Variants in PPP2R2A observed in about 807,000 individuals in gnomAD.
The protein encoded by PPP2R2A is protein phosphatase 2 regulatory subunit Balpha.
PPP2R2A carries 9 observed loss-of-function variants against 53.2 expected under a neutral mutation model. The ratio of observed to expected loss-of-function variants is 0.17; its 90% CI spans 0.10 to 0.30. The LOEUF is 0.30. PPP2R2A is among the 10% of genes least tolerant of loss of function. The pLI is 1.00. For synonymous variants in PPP2R2A, 169 were observed against 174.2 expected (o/e 0.97, Z 0.23); for missense variants, 235 against 534.6 (o/e 0.44, Z 5.53).
At chr8:26,365,853 T>C (rs1805345953) in intron 8 of PPP2R2A, 2 of 153,916 alleles carry the variant, frequency 1.3e-5, no homozygotes, top group Admixed American at 1.3e-4. Flanking sequence ...TACATGTGCA[T>C]TTATAATGGA....
At chr8:26,364,402 A>G (rs1289101740) in intron 8 of PPP2R2A, among the ~76,000 whole-genome samples, 3 of 152,190 alleles carry the variant, frequency 2.0e-5, no homozygotes, top group Non-Finnish European at 4.4e-5. Flanking sequence ...GGAGTTGCCT[A>G]TCCGTTGTTG....
rs1438108403 is a variant in PPP2R2A at position 26,370,248 on chromosome 8, G to A, written c.1179G>A (p.Lys393=). The change falls in exon 10 of 10, where the codon AAG becomes AAA. Residue 393 remains lysine, a synonymous_variant. Transcript: ENST00000380737. This position sits in a 1 kb window ranked among gnomAD's most constrained non-coding sequence, Gnocchi z 6.1. ...RENNKPRTVL[K]PRKVCASGKR... ...ACAATAAGCCTCGCACAGTTCTGAA[G>A]CCTCGCAAAGTCTGTGCAAGTGGCA... is the stretch of plus-strand genomic sequence containing the variant. 1 of 1,614,030 alleles carries A rather than the reference G, an allele frequency of 6.2e-7. No homozygotes were observed. The highest frequency in any genetic ancestry group is 1.3e-5 in the African/African-American group (1 of 74,930).
Position 26,372,064 on chromosome 8 carries a change from G to A in PPP2R2A, c.*1651G>A, listed in dbSNP as rs778123294. ...CTTCAATAATGAAAAAGAATTCAAC[G>A]AGCCGACCGTGATTCCCTCTACTAC... On this transcript the variant is annotated 3_prime_UTR_variant, in exon 10 of 10. Coordinates refer to ENST00000380737, the MANE Select transcript of PPP2R2A (RefSeq NM_002717.4). 5 of 152,104 alleles carry A rather than the reference G, an allele frequency of 3.3e-5. No individual in the cohort carries two copies. Among genetic ancestry groups the A allele is most frequent in the African/African-American group, 1.2e-4 (5 of 41,410 alleles). 9.4% of individuals were successfully genotyped at this position (152,104 alleles called of 1,614,324 possible). A position where few individuals can be genotyped will look rare whatever the true frequency, so the allele number is the denominator to read the frequency against.
intron 6 of PPP2R2A, 115 bp downstream of exon 6, chr8:26,361,266 G>C: frequency 3.2e-6 from 3 of 944,796 alleles, no homozygotes; most frequent in Non-Finnish European, 4.5e-6. Context: ...GTACATATAT[G>C]TATGGCACCT....
intron 1 of PPP2R2A, chr8:26,293,307 C>T: frequency 1.3e-6 from 2 of 1,514,134 alleles, no homozygotes; most frequent in African/African-American, 1.4e-5. Context: ...ATTAACTCTT[C>T]TGCAGGCTTT....
rs372165372 is a variant in PPP2R2A, at chr8:26,338,860, A to T, written c.83-30A>T. ...AGTGAGTCGGGAAAGAAAAACTAAT[A>T]TCTTTTTTTGTTTTGTCTCAATTAT... On this transcript the variant is annotated intron_variant, in intron 2 of 9. Transcript: ENST00000380737. The surrounding 1 kb of genome is among the most constrained non-coding windows in gnomAD (Gnocchi z 4.5). 2 of 1,466,282 alleles carry T rather than the reference A, an allele frequency of 1.4e-6. No individual in the cohort carries two copies. Among genetic ancestry groups the T allele is most frequent in the African/African-American group, 2.8e-5 (2 of 70,898 alleles). The allele number at this position is 1,466,282 out of a possible 1,614,324, so 90.8% of individuals were successfully genotyped here.
intron 2 of PPP2R2A, among the ~76,000 whole-genome samples, chr8:26,313,105 C>T (rs34469936): frequency 0.076 from 11,484 of 150,768 alleles, 513 homozygotes; most frequent in African/African-American, 0.12. Context: ...ACCATCTTGG[C>T]TCACTGCAGC....
At chr8:26,331,119 C>G (rs918862223) in intron 2 of PPP2R2A, among the ~76,000 whole-genome samples, 6 of 152,092 alleles carry the variant, frequency 3.9e-5, no homozygotes, top group African/African-American at 1.4e-4. Flanking sequence ...TTTTGGGGTA[C>G]TCTGCCTTTA....
chr8:26,293,800 G>A (rs762001044), intron 2 of PPP2R2A, 60 bp downstream of exon 2: 1 of 1,486,982 alleles, frequency 6.7e-7, no homozygotes, highest in East Asian at 2.3e-5. Context: ...GTTTCCTACT[G>A]GAGGATTTCC....
In PPP2R2A at chr8:26,359,162, G is replaced by A. The variant is rs1405305391; in HGVS notation, c.347-1007G>A. 5.0e-5 allele frequency: 10 copies of A among 199,366 alleles called. No individual in the cohort carries two copies. In the Admixed American group the frequency reaches 5.3e-4, roughly 10 times the overall value. The allele number at this position is 199,366 out of a possible 1,614,324, so 12.3% of individuals were successfully genotyped here. A position where few individuals can be genotyped will look rare whatever the true frequency, so the allele number is the denominator to read the frequency against. On this transcript the variant is annotated intron_variant, in intron 4 of 9. Coordinates refer to ENST00000380737, the MANE Select transcript of PPP2R2A (RefSeq NM_002717.4). ...GAAAGAGCAAGCAAATCCAGTTGAG[G>A]GATATTCTACAAAGTACCTCACCAC...
Position 26,370,135 on chromosome 8 carries a change from G to T in PPP2R2A, c.1066G>T (p.Val356Phe). The T allele has an allele frequency of 6.2e-7, 1 of 1,613,482 alleles. No individual in the cohort carries two copies. ...TGAGTGTACTGTCTATTTTCACAGT[G>T]TTGTCATGACTGGATCTTACAATAA... ...FECCWNGSDS[V>F]VMTGSYNNFF... Residue 356 changes from valine (V) to phenylalanine (F), a missense_variant and splice_region_variant, in exon 10 of 10, where the codon GTT becomes TTT. Val to Phe is a conservative substitution (Grantham distance 50, BLOSUM62 -1). Around this residue, in one of 3 missense-constraint regions of PPP2R2A, gnomAD observed 181 missense variants for 409.9 expected, o/e 0.44. Coordinates refer to ENST00000380737, the MANE Select transcript of PPP2R2A (RefSeq NM_002717.4). This position sits in a 1 kb window ranked among gnomAD's most constrained non-coding sequence, Gnocchi z 6.1.
rs1365407960 is a variant in PPP2R2A, at chr8:26,372,213, A to C, written c.*1800A>C. 3 of 152,232 alleles carry C rather than the reference A, an allele frequency of 2.0e-5. No homozygotes were observed. Among genetic ancestry groups the C allele is most frequent in the African/African-American group, 4.8e-5 (2 of 41,458 alleles). 9.4% of individuals were successfully genotyped at this position (152,232 alleles called of 1,614,324 possible). ...ACACATTCTATGTCTGATAATTCTT[A>C]ATGGCACTTTTACTAATTTATTTGG... On this transcript the variant is annotated 3_prime_UTR_variant, in exon 10 of 10. Transcript: ENST00000380737.
At chr8:26,331,837 G>T (rs1484840364) in intron 2 of PPP2R2A, among the ~76,000 whole-genome samples, 3 of 152,154 alleles carry the variant, frequency 2.0e-5, no homozygotes, top group Non-Finnish European at 2.9e-5. Flanking sequence ...GCTATTTTGT[G>T]TTGCATGAAA....
At position 26,315,122 on chromosome 8, in the gene PPP2R2A, C is replaced by A. The variant is rs560024950; in HGVS notation, c.82+21382C>A. On this transcript the variant is annotated intron_variant, in intron 2 of 9. Coordinates refer to ENST00000380737, the MANE Select transcript of PPP2R2A (RefSeq NM_002717.4). ...TTTGGGTTTCTTTTCATTTTCTAAT[C>A]TGAGCATCTATTTCCTTTGAGTTTC... 1.1e-3 allele frequency among the ~76,000 whole-genome samples: 168 copies of A among 152,170 alleles called. 1 individual carries two copies. The highest frequency in any genetic ancestry group is 4.0e-3 in the African/African-American group (166 of 41,498).
intron 2 of PPP2R2A, among the ~76,000 whole-genome samples, chr8:26,326,366 C>A (rs959538812): frequency 2.6e-5 from 4 of 152,162 alleles, no homozygotes; most frequent in Non-Finnish European, 5.9e-5. Context: ...AAGTGGACTT[C>A]TTTTTGTCAT....
Position 26,364,823 on chromosome 8 carries a change from A to C in PPP2R2A, c.972+933A>C, listed in dbSNP as rs192550628. Among the ~76,000 whole-genome samples, 628 of 152,280 alleles carry C rather than the reference A, an allele frequency of 4.1e-3. 6 individuals are homozygous for C. Among genetic ancestry groups the C allele is most frequent in the African/African-American group, 0.014 (569 of 41,548 alleles). On this transcript the variant is annotated intron_variant, in intron 8 of 9. Coordinates refer to ENST00000380737, the MANE Select transcript of PPP2R2A (RefSeq NM_002717.4). ...ATTTTTTGTTTTGTTTTGTTCAACC[A>C]ATGCACATTTGAAAATACAATATTT...
At chr8:26,367,251 A>AT (rs1302929335) in intron 9 of PPP2R2A, among the ~76,000 whole-genome samples, 5 of 152,282 alleles carry the variant, frequency 3.3e-5, no homozygotes, top group African/African-American at 1.2e-4. Flanking sequence ...AATAGCAAAC[A>AT]TTGCCTTTGA....
intron 1 of PPP2R2A, 53 bp downstream of exon 1, chr8:26,291,879 C>G: frequency 6.2e-7 from 1 of 1,602,486 alleles, no homozygotes; most frequent in Non-Finnish European, 8.5e-7. Context: ...CCTTATTCCT[C>G]CCTCCATCAC....
chr8:26,327,166 CA>C (rs1228710964), intron 2 of PPP2R2A, among the ~76,000 whole-genome samples: 1 of 152,180 alleles, frequency 6.6e-6, no homozygotes, highest in Non-Finnish European at 1.5e-5. Flanking sequence ...CAGACAAGAG[CA>C]GCTCCATCTT....
Sources: gnomAD v4.1 joint callset for allele counts (sites outside exome capture counted in the v4.1 genomes callset) on GRCh38, gnomAD v4.1.1 for gene constraint, gnomAD v4.1.1 regional missense constraint, Gnocchi (gnomAD v3.1) non-coding constraint, MANE v1.5 for transcripts, NCBI Gene and HGNC (gene_info 2026-07-23, HGNC 2026-07-21) for gene names.